The following TACR3 variants were observed in gnomAD, a reference collection of about 807,000 sequenced individuals.
TACR3 encodes tachykinin receptor 3.
TACR3 carries 34 observed loss-of-function variants against 35.0 expected under a neutral mutation model. The observed-to-expected ratio is 0.97, with a 90% confidence interval of 0.74 to 1.30. The LOEUF (loss-of-function observed/expected upper bound fraction) is 1.30, where lower values mean the gene tolerates loss of function less well. TACR3 is among the 50% of genes most tolerant of loss of function. The probability of loss-of-function intolerance (pLI) is 0.00; values close to 1 mark genes in which losing one functional copy is unlikely to be tolerated. For missense variants in TACR3, 558 were observed against 591.7 expected, an observed-to-expected ratio of 0.94 and a Z score of 0.59; for synonymous variants, 233 against 221.1, an observed-to-expected ratio of 1.05 and a Z score of -0.48.
At chr4:103,591,375 T>G in intron 4 of TACR3, 112 bp downstream of exon 4, 1 of 1,308,114 alleles carries the variant, frequency 7.6e-7, no homozygotes, top group Non-Finnish European at 1.1e-6. Flanking sequence ...AATTCTTAAA[T>G]TTTCCCTTCC....
intron 3 of TACR3, among the ~76,000 whole-genome samples, chr4:103,603,987 T>C (rs1283162721): frequency 6.6e-6 from 1 of 152,204 alleles, no homozygotes; most frequent in Non-Finnish European, 1.5e-5. Flanking sequence ...ATAGATTCAA[T>C]GCTATCCCCA....
chr4:103,591,271 A>G (rs879845842), intron 4 of TACR3: 5 of 595,160 alleles, frequency 8.4e-6, no homozygotes, highest in Non-Finnish European at 1.5e-5. Context: ...TAGAACCCCA[A>G]GATCATTATT....
At position 103,650,500 on chromosome 4, in the gene TACR3, A is replaced by T. The variant is rs1315810587; in HGVS notation, c.888+5694T>A. 5.9e-5 allele frequency among the ~76,000 whole-genome samples: 8 copies of T among 135,814 alleles called. No individual in the cohort carries two copies. The East Asian group carries it at 1.7e-3, about 28-fold the overall frequency. 89.1% of individuals were successfully genotyped at this position (135,814 alleles called of 152,430 possible). A position where few individuals can be genotyped will look rare whatever the true frequency, so the allele number is the denominator to read the frequency against. On this transcript the variant is annotated intron_variant, in intron 3 of 4. Transcript: ENST00000304883. ...ATTTATATATAAATATGTATTATTT[A>T]TATATATTTATATATAAATATGTAT...
At chr4:103,705,984 T>C (rs1027740053) in intron 1 of TACR3, among the ~76,000 whole-genome samples, 2 of 152,194 alleles carry the variant, frequency 1.3e-5, no homozygotes, top group Admixed American at 6.5e-5. Flanking sequence ...TGTTGCAATA[T>C]GAACACATTA....
intron 1 of TACR3, among the ~76,000 whole-genome samples, chr4:103,682,040 T>G (rs1722106168): frequency 6.6e-6 from 1 of 152,190 alleles, no homozygotes; most frequent in Non-Finnish European, 1.5e-5. Flanking sequence ...GTGTAATAAC[T>G]TGTCATCAAC....
intron 3 of TACR3, among the ~76,000 whole-genome samples, chr4:103,609,418 A>G (rs1408633174): frequency 2.0e-5 from 3 of 152,102 alleles, no homozygotes; most frequent in Non-Finnish European, 2.9e-5. Context: ...ATTATAAGAA[A>G]TAACTCAAAA....
chr4:103,712,065 C>G (rs1352617628), intron 1 of TACR3, among the ~76,000 whole-genome samples: 3 of 152,148 alleles, frequency 2.0e-5, no homozygotes, highest in Non-Finnish European at 4.4e-5. Context: ...AATGGCCATA[C>G]TGCCCAAGGT....
At chr4:103,606,991 A>G (rs1273192420) in intron 3 of TACR3, among the ~76,000 whole-genome samples, 5 of 152,130 alleles carry the variant, frequency 3.3e-5, no homozygotes, top group South Asian at 2.1e-4. Context: ...TTTGAAATAC[A>G]TCCCATCAAT....
chr4:103,681,649 C>A (rs1453513829), intron 1 of TACR3, among the ~76,000 whole-genome samples: 1 of 152,032 alleles, frequency 6.6e-6, no homozygotes, highest in Non-Finnish European at 1.5e-5. Context: ...GTCAGATCCA[C>A]AAATTCACAA....
chr4:103,597,010 A>G (rs956359558), intron 3 of TACR3, among the ~76,000 whole-genome samples: 4 of 152,084 alleles, frequency 2.6e-5, no homozygotes, highest in South Asian at 2.1e-4. Flanking sequence ...ATTGTTGGAC[A>G]TTTGGGTTGG....
intron 3 of TACR3, among the ~76,000 whole-genome samples, chr4:103,617,665 GATTC>G (rs1172652345): frequency 6.6e-6 from 1 of 152,122 alleles, no homozygotes; most frequent in African/African-American, 2.4e-5. Flanking sequence ...ATATCAAAAT[GATTC>G]ATTATCGTTT....
chr4:103,615,376 C>T (rs907740951), intron 3 of TACR3, among the ~76,000 whole-genome samples: 17 of 143,948 alleles, frequency 1.2e-4, no homozygotes, highest in African/African-American at 4.3e-4. Context: ...TTCCTGCTAT[C>T]GTGTGTGTGT....
intron 3 of TACR3, among the ~76,000 whole-genome samples, chr4:103,595,017 T>C (rs1318776265): frequency 6.6e-6 from 1 of 152,184 alleles, no homozygotes; most frequent in Non-Finnish European, 1.5e-5. Context: ...CGTAGGCTCT[T>C]GGGTGGGAGA....
chr4:103,633,838 T>A (rs781150758), intron 3 of TACR3, among the ~76,000 whole-genome samples: 4 of 152,146 alleles, frequency 2.6e-5, no homozygotes, highest in Non-Finnish European at 5.9e-5. Flanking sequence ...GTTGCATTTG[T>A]TCTGTTTTAT....
In TACR3 at chr4:103,587,476, A is replaced by T. The variant is rs957976197; in HGVS notation, c.*2206T>A. ...GAAGCCAAAGCAAACCAACAATCCAACTGACGAGGCCAGTATTTTTCCTTA... is the reference window on the plus strand; with the variant it reads ...GAAGCCAAAGCAAACCAACAATCCATCTGACGAGGCCAGTATTTTTCCTTA... On this transcript the variant is annotated 3_prime_UTR_variant, in exon 5 of 5. Transcript: ENST00000304883. The T allele has an allele frequency of 3.3e-5, 5 of 152,062 alleles. No individual in the cohort carries two copies. The highest frequency in any genetic ancestry group is 1.2e-4 in the African/African-American group (5 of 41,434). 9.4% of individuals were successfully genotyped at this position (152,062 alleles called of 1,614,324 possible). A position where few individuals can be genotyped will look rare whatever the true frequency, so the allele number is the denominator to read the frequency against.
chr4:103,654,588 C>T (rs1357844761), intron 3 of TACR3, among the ~76,000 whole-genome samples: 2 of 148,336 alleles, frequency 1.3e-5, no homozygotes, highest in African/African-American at 2.5e-5. Context: ...GGAGATATAC[C>T]TAATGCTAAA....
chr4:103,714,877 C>T (rs1905172), intron 1 of TACR3, among the ~76,000 whole-genome samples: 50,238 of 151,926 alleles, frequency 0.33, 12,838 homozygotes, highest in African/African-American at 0.72. Context: ...TATTTTTATT[C>T]GTTCAGAATA....
chr4:103,656,666 T>C (rs1725740376), intron 2 of TACR3, among the ~76,000 whole-genome samples: 1 of 152,012 alleles, frequency 6.6e-6, no homozygotes, highest in South Asian at 2.1e-4. Flanking sequence ...TGCTTGGTAA[T>C]TGTTGAGCTA....
intron 1 of TACR3, among the ~76,000 whole-genome samples, chr4:103,673,790 C>T (rs1004151179): frequency 6.6e-6 from 1 of 152,044 alleles, no homozygotes; most frequent in Non-Finnish European, 1.5e-5. Context: ...ATGATGTATG[C>T]CTGTATGTGT....
Sources: gnomAD v4.1 joint callset for allele counts (sites outside exome capture counted in the v4.1 genomes callset) on GRCh38, gnomAD v4.1.1 for gene constraint, MANE v1.5 for transcripts, NCBI Gene and HGNC (gene_info 2026-07-23, HGNC 2026-07-21) for gene names.